DUOX2: variants seen among roughly 807,000 people sequenced by gnomAD.
The protein encoded by DUOX2 is NADH/NADPH thyroid oxidase p138-tox.
Under a neutral mutation model 183.3 loss-of-function variants are expected in DUOX2, and 185 were observed. The observed-to-expected ratio is 1.01, with a 90% CI of 0.90 to 1.14. DUOX2 has a LOEUF of 1.14. DUOX2 is among the 50% of genes most tolerant of loss of function. The probability of loss-of-function intolerance (pLI) is 0.00; values close to 1 mark genes in which losing one functional copy is unlikely to be tolerated. For missense variants in DUOX2, 1,999 were observed against 2,022.9 expected (o/e 0.99, Z 0.23); for synonymous variants, 788 against 812.4 (o/e 0.97, Z 0.51).
In DUOX2 at chr15:45,099,665, C is replaced by T. The variant is rs1342850379; in HGVS notation, c.3412G>A (p.Ala1138Thr). 1.2e-6 allele frequency: 2 copies of T among 1,614,032 alleles called. No individual in the cohort carries two copies. Among genetic ancestry groups the T allele is most frequent in the Non-Finnish European group, 1.7e-6 (2 of 1,180,034 alleles). Residue 1138 changes from alanine to threonine, a missense_variant, in exon 25 of 34, where the codon GCC becomes ACC. Around this residue, in one of 3 missense-constraint regions of DUOX2, gnomAD observed 1,628 missense variants for 1,608.6 expected, o/e 1.01. Transcript: ENST00000389039. ...AAGAAGCCTGGGAGTCACGTACTGG[C>T]CAGGACAACAGCAGCCATGGCGATC... is the stretch of plus-strand genomic sequence containing the variant. ...RWIAMAAVVL[A>T]ILHSAGHAVN... is the part of the protein sequence containing the mutation.
chr15:45,094,099 T>C lies in DUOX2; in HGVS notation c.*51A>G. The stretch of plus-strand genomic sequence containing the variant: ...TGCCAGCAGGGCTGGGCAACTTAGG[T>C]GCACAGAAGAGAAGGCAGGATACTG... On this transcript the variant is annotated 3_prime_UTR_variant, in exon 34 of 34. Transcript: ENST00000389039. 6.2e-7 allele frequency: 1 copy of C among 1,613,798 alleles called. No homozygotes were observed. The highest frequency in any genetic ancestry group is 8.5e-7 in the Non-Finnish European group (1 of 1,179,880).
rs746970241 is a variant in DUOX2, at chr15:45,097,673, G to A, written c.3634C>T (p.Arg1212Cys). ...AGCCAGAAGCCCCGGAAGCTGCGGC[G>A]GCGGAAGTGGTGGGAGGCGAAGACA... The part of the protein sequence containing the change: ...MYVFASHHFR[R>C]RSFRGFWLTH... The change falls in exon 28 of 34, where the codon CGC becomes TGC. Residue 1212 changes from arginine (R) to cysteine (C), a missense_variant. This residue lies in a region of DUOX2 where 1,628 missense variants were observed against 1,608.6 expected (regional missense o/e 1.01). Transcript: ENST00000389039. 8.7e-6 allele frequency: 14 copies of A among 1,614,104 alleles called. No homozygotes were observed. The highest frequency in any genetic ancestry group is 2.2e-5 in the South Asian group (2 of 91,094).
intron 5 of DUOX2, 45 bp from the exon 6 acceptor site, chr15:45,111,630 G>C (rs1894414475): frequency 1.3e-6 from 2 of 1,481,916 alleles, no homozygotes; most frequent in East Asian, 5.4e-5. Context: ...AGGCGGCGGC[G>C]GGCCAGGGAA....
chr15:45,097,120 T>C, intron 29 of DUOX2, 118 bp downstream of exon 29: 1 of 1,503,610 alleles, frequency 6.7e-7, no homozygotes, highest in Non-Finnish European at 9.2e-7. Context: ...TTGTTGTTGT[T>C]GTTTTTGGAG....
In DUOX2 at chr15:45,114,002, T is replaced by C. The variant is rs1376478540; in HGVS notation, c.-44A>G. 1 of 192,010 alleles carries C rather than the reference T, an allele frequency of 5.2e-6. No individual in the cohort carries two copies. Among genetic ancestry groups the C allele is most frequent in the Non-Finnish European group, 1.1e-5 (1 of 91,638 alleles). The allele number at this position is 192,010 out of a possible 1,614,324, so 11.9% of individuals were successfully genotyped here. A position where few individuals can be genotyped will look rare whatever the true frequency, so the allele number is the denominator to read the frequency against. ...GGTTTAGGGTGGTGTTGGGTTCAGA[T>C]GTCTTCTTTCCTCTTAAAATCTTTG... On this transcript the variant is annotated 5_prime_UTR_variant, in exon 1 of 34. Coordinates refer to ENST00000389039, the MANE Select transcript of DUOX2 (RefSeq NM_001363711.2).
intron 15 of DUOX2, 77 bp downstream of exon 15, chr15:45,106,755 A>G (rs1045312113): frequency 1.4e-5 from 22 of 1,604,644 alleles, no homozygotes; most frequent in Non-Finnish European, 1.9e-5. Context: ...CTCAAACGGT[A>G]CCAAATAGCC....
At chr15:45,105,175 G>A (rs939153121) in intron 18 of DUOX2, among the ~76,000 whole-genome samples, 1 of 152,216 alleles carries the variant, frequency 6.6e-6, no homozygotes, top group Admixed American at 6.5e-5. Context: ...AATAAGCACT[G>A]TACATAAAAC....
chr15:45,106,824 G>C lies in DUOX2; in HGVS notation c.1831+8C>G, dbSNP rs1365723363. ...GCCAGTCTGCAGAGAGGCTGCCTAA[G>C]AGCTCACCTAAGGGAAGGCAGCAGA... is the stretch of plus-strand genomic sequence containing the variant. On this transcript the variant is annotated splice_region_variant and intron_variant, in intron 15 of 33. Coordinates refer to ENST00000389039, the MANE Select transcript of DUOX2 (RefSeq NM_001363711.2). 6.3e-7 allele frequency: 1 copy of C among 1,597,420 alleles called. No individual in the cohort carries two copies.
At chr15:45,102,152 G>A (rs115806668) in intron 20 of DUOX2, among the ~76,000 whole-genome samples, 163 bp from the exon 21 acceptor site, 241 of 152,326 alleles carry the variant, frequency 1.6e-3, no homozygotes, top group African/African-American at 5.6e-3. Context: ...TAAGCTGGGT[G>A]GGGTAGCCAT....
rs201587639 is a variant in DUOX2 at position 45,107,523 on chromosome 15, C to A, written c.1575-60G>T. The stretch of plus-strand genomic sequence containing the variant: ...AAGGGGATGCAGGCCTCCAGCAACC[C>A]CAGGCCCAAGGACCCAGGTGAGAAA... On this transcript the variant is annotated intron_variant, in intron 13 of 33. Transcript: ENST00000389039. 3,673 of 1,573,060 alleles carry A rather than the reference C, an allele frequency of 2.3e-3. 4 individuals carry two copies. Among genetic ancestry groups the A allele is most frequent in the Non-Finnish European group, 3.0e-3 (3,400 of 1,143,672 alleles).
intron 1 of DUOX2, 105 bp downstream of exon 1, chr15:45,113,868 C>G (rs1377387137): frequency 2.7e-5 from 6 of 219,822 alleles, no homozygotes; most frequent in Non-Finnish European, 5.6e-5. Context: ...GACTGCAGCA[C>G]CCTTCCACAA....
chr15:45,108,017 G>A lies in DUOX2; in HGVS notation c.1574+30C>T, dbSNP rs186913113. 2.4e-4 allele frequency: 380 copies of A among 1,613,758 alleles called. No individual in the cohort carries two copies. In the African/African-American group the frequency reaches 4.2e-3, roughly 18 times the overall value. ...GGTCTGGGGCTCAGGCTGAGGAGCA[G>A]TCTGAGGTGGGGGCCCAGGCAAGCC... On this transcript the variant is annotated intron_variant, in intron 13 of 33. Transcript: ENST00000389039.
intron 24 of DUOX2, 72 bp downstream of exon 24, chr15:45,099,978 A>G (rs1894031466): frequency 6.2e-7 from 1 of 1,612,760 alleles, no homozygotes; most frequent in African/African-American, 1.3e-5. Flanking sequence ...TCTTAGGATC[A>G]GAGGGCTTTC....
At position 45,113,375 on chromosome 15, in the gene DUOX2, C is replaced by G. The variant is rs952354885; in HGVS notation, c.37G>C (p.Gly13Arg). Residue 13 changes from glycine (G) to arginine (R), a missense_variant, in exon 2 of 34, where the codon GGA becomes CGA. Gly to Arg is a moderately radical substitution (Grantham distance 125). Transcript: ENST00000389039. ...RARPEALMLL[G>R]ALLTGSLGPS... is the part of the protein sequence containing the mutation. ...CCCAGGGATCCAGTCAGAAGAGCTC[C>G]CAGGAGCATCAGTGCCTCTGGTCTT... is the stretch of plus-strand genomic sequence containing the variant. 4 of 1,567,130 alleles carry G rather than the reference C, an allele frequency of 2.6e-6. No homozygotes were observed. Among genetic ancestry groups the G allele is most frequent in the Admixed American group, 1.9e-5 (1 of 53,718 alleles).
chr15:45,105,567 A>G, intron 18 of DUOX2, 76 bp downstream of exon 18: 2 of 1,570,390 alleles, frequency 1.3e-6, no homozygotes, highest in Non-Finnish European at 1.8e-6. Context: ...GTTCACCCAC[A>G]GGGGCGTTCT....
chr15:45,099,952 G>A (rs1894030150), intron 24 of DUOX2, 60 bp from the exon 25 acceptor site: 1 of 1,611,264 alleles, frequency 6.2e-7, no homozygotes. Flanking sequence ...CGAGCCCTGG[G>A]CTCTCCCATG....
intron 18 of DUOX2, among the ~76,000 whole-genome samples, chr15:45,105,010 G>C (rs1894176636): frequency 1.3e-5 from 2 of 152,038 alleles, no homozygotes; most frequent in African/African-American, 4.8e-5. Context: ...TAGTAGAGAT[G>C]GGGTTTCACC....
At position 45,101,843 on chromosome 15, in the gene DUOX2, T is replaced by C. The variant is rs1181254216; in HGVS notation, c.2801A>G (p.Glu934Gly). 19 of 1,614,074 alleles carry C rather than the reference T, an allele frequency of 1.2e-5. No individual in the cohort carries two copies. The highest frequency in any genetic ancestry group is 1.6e-5 in the Non-Finnish European group (19 of 1,180,048). Residue 934 changes from glutamate to glycine, a missense_variant, in exon 21 of 34, where the codon GAG becomes GGG. By Grantham distance (98) the Glu-to-Gly change is moderately conservative. Transcript: ENST00000389039. Reference sequence around the variant, plus strand: ...GACACAGAGCTGCGTGAAGCGGAGCTCGCTGTCATGGTCCCGCAGCATGAA... The same window carrying C: ...GACACAGAGCTGCGTGAAGCGGAGCCCGCTGTCATGGTCCCGCAGCATGAA... ...FHFMLRDHDS[E>G]LRFTQLCVKG...
At chr15:45,100,379 C>T (rs1894049476) in intron 23 of DUOX2, 151 bp from the exon 24 acceptor site, 2 of 688,234 alleles carry the variant, frequency 2.9e-6, no homozygotes, top group East Asian at 2.7e-5. Context: ...GCTTCTTCCT[C>T]CTCCAACCCT....
Sources: gnomAD v4.1 joint callset for allele counts (sites outside exome capture counted in the v4.1 genomes callset) on GRCh38, gnomAD v4.1.1 for gene constraint, gnomAD v4.1.1 regional missense constraint, MANE v1.5 for transcripts, NCBI Gene and HGNC (gene_info 2026-07-23, HGNC 2026-07-21) for gene names.